Variants in ATP5F1C observed in about 807,000 individuals in gnomAD.
ATP5F1C encodes the protein ATP synthase F1 subunit gamma.
ATP5F1C carries 22 observed loss-of-function variants against 37.4 expected under a neutral mutation model. The ratio of observed to expected loss-of-function variants is 0.59; its 90% CI spans 0.42 to 0.84. The LOEUF (loss-of-function observed/expected upper bound fraction) is 0.84. ATP5F1C is among the 40% of genes least tolerant of loss of function. The pLI is 0.00. For missense variants in ATP5F1C, 286 were observed against 362.4 expected, an observed-to-expected ratio of 0.79 and a Z score of 1.71; for synonymous variants, 121 against 128.0, an observed-to-expected ratio of 0.95 and a Z score of 0.37.
intron 1 of ATP5F1C, among the ~76,000 whole-genome samples, chr10:7,788,629 G>A (rs1836098607): frequency 6.6e-6 from 1 of 152,200 alleles, no homozygotes; most frequent in African/African-American, 2.4e-5. Flanking sequence ...CAGTCTCAGG[G>A]CCTGCAAGGT....
chr10:7,802,547 T>A, intron 7 of ATP5F1C, 122 bp downstream of exon 7: 1 of 1,237,608 alleles, frequency 8.1e-7, no homozygotes, highest in Non-Finnish European at 1.1e-6. Context: ...CCTGTACCTG[T>A]AAGAAAGTAT....
chr10:7,804,021 T>C (rs1392215608), intron 8 of ATP5F1C: 5 of 509,440 alleles, frequency 9.8e-6, no homozygotes, highest in African/African-American at 9.7e-5. Context: ...GATACAGTGG[T>C]AACAGTATTT....
At position 7,797,078 on chromosome 10, in the gene ATP5F1C, C is replaced by A. The variant is rs749573160; in HGVS notation, c.123C>A (p.Ile41=). Residue 41 remains isoleucine, a synonymous_variant, in exon 3 of 10, where the codon ATC becomes ATA. Transcript: ENST00000356708. The part of the protein sequence containing the change: ...ITRRLKSIKN[I]QKITKSMKMV... ...GGAGACTAAAGTCCATCAAAAACAT[C>A]CAGAAAATTACCAAGTCTATGAAAA... is the stretch of plus-strand genomic sequence containing the variant. The A allele has an allele frequency of 1.2e-6, 2 of 1,614,060 alleles. No homozygotes were observed. Among genetic ancestry groups the A allele is most frequent in the South Asian group, 2.2e-5 (2 of 91,082 alleles).
intron 4 of ATP5F1C, 118 bp from the exon 5 acceptor site, chr10:7,799,654 C>A: frequency 8.5e-7 from 1 of 1,182,576 alleles, no homozygotes; most frequent in Non-Finnish European, 1.2e-6. Flanking sequence ...GAAATCACCA[C>A]CACCCATACC....
intron 8 of ATP5F1C, among the ~76,000 whole-genome samples, chr10:7,805,155 A>ACT (rs1053428175): frequency 1.3e-5 from 2 of 152,086 alleles, no homozygotes; most frequent in African/African-American, 4.8e-5. Flanking sequence ...TGGTTAGGAT[A>ACT]CTCTCTCTGT....
At chr10:7,789,406 A>G (rs1267898901) in intron 1 of ATP5F1C, among the ~76,000 whole-genome samples, 3 of 152,204 alleles carry the variant, frequency 2.0e-5, no homozygotes, top group Non-Finnish European at 4.4e-5. Context: ...TGAATTAGCC[A>G]CATAAAATTT....
chr10:7,797,235 A>G (rs774242750), intron 3 of ATP5F1C, 57 bp downstream of exon 3: 46 of 1,590,618 alleles, frequency 2.9e-5, no homozygotes, highest in Non-Finnish European at 3.8e-5. Context: ...AAGGAAGACT[A>G]CTGATGACTT....
chr10:7,797,733 C>A (rs1207529213), intron 3 of ATP5F1C, among the ~76,000 whole-genome samples: 1 of 152,028 alleles, frequency 6.6e-6, no homozygotes, highest in African/African-American at 2.4e-5. Flanking sequence ...AGAATCCGAA[C>A]GATGTTGAAG....
At chr10:7,800,958 A>G (rs1459782204) in intron 6 of ATP5F1C, among the ~76,000 whole-genome samples, 3 of 152,262 alleles carry the variant, frequency 2.0e-5, no homozygotes, top group Non-Finnish European at 4.4e-5. Context: ...GAGCGTAGCT[A>G]GAAACTGGCT....
chr10:7,791,165 T>TG (rs1326608123), intron 1 of ATP5F1C, among the ~76,000 whole-genome samples: 4 of 152,058 alleles, frequency 2.6e-5, no homozygotes, highest in African/African-American at 9.7e-5. Flanking sequence ...CCAGACGTGG[T>TG]GGTACGCACC....
chr10:7,790,741 T>C (rs527918952), intron 1 of ATP5F1C, among the ~76,000 whole-genome samples: 1 of 152,344 alleles, frequency 6.6e-6, no homozygotes, highest in South Asian at 2.1e-4. Context: ...GAATTCTGAT[T>C]GCCACTTAGC....
At chr10:7,800,506 A>T (rs1244427) in intron 6 of ATP5F1C, among the ~76,000 whole-genome samples, 139,434 of 146,640 alleles carry the variant, frequency 0.95, 66,605 homozygotes, top group East Asian at 1. Context: ...TTTATTTTTT[A>T]TTTTTTGAGA....
intron 1 of ATP5F1C, 150 bp downstream of exon 1, chr10:7,788,413 G>T (rs1206890082): frequency 1.3e-5 from 15 of 1,174,134 alleles, no homozygotes; most frequent in Non-Finnish European, 1.8e-5. Flanking sequence ...GGTAGCGGGG[G>T]CTGCAGGAAG....
In ATP5F1C at chr10:7,789,256, T is replaced by C. The variant is rs564467991; in HGVS notation, c.56+993T>C. ...TGCTCTTAACAGTGTGGAGGATTTC[T>C]AAGGCGCTACAGTGCTAAACTAGAT... On this transcript the variant is annotated intron_variant, in intron 1 of 9. Coordinates refer to ENST00000356708, the MANE Select transcript of ATP5F1C (RefSeq NM_001001973.3). Among the ~76,000 whole-genome samples the C allele has an allele frequency of 2.0e-5, 3 of 152,320 alleles. No homozygotes were observed. The East Asian group carries it at 5.8e-4, about 29-fold the overall frequency.
At chr10:7,804,676 G>T (rs549036797) in intron 8 of ATP5F1C, among the ~76,000 whole-genome samples, 2 of 152,258 alleles carry the variant, frequency 1.3e-5, no homozygotes, top group South Asian at 4.2e-4. Flanking sequence ...ATTTGTCTGT[G>T]TGCTCCTCGA....
chr10:7,802,203 A>C, intron 6 of ATP5F1C, 67 bp from the exon 7 acceptor site: 1 of 1,491,000 alleles, frequency 6.7e-7, no homozygotes, highest in Non-Finnish European at 9.0e-7. Flanking sequence ...TACACTGAAA[A>C]GCTGTTTTTG....
At chr10:7,790,608 G>A (rs1161837805) in intron 1 of ATP5F1C, among the ~76,000 whole-genome samples, 2 of 152,194 alleles carry the variant, frequency 1.3e-5, no homozygotes, top group African/African-American at 4.8e-5. Flanking sequence ...ATTGTCATCT[G>A]AGACCATGAG....
chr10:7,799,480 G>T, intron 4 of ATP5F1C: 2 of 553,656 alleles, frequency 3.6e-6, no homozygotes, highest in Admixed American at 3.1e-5. Flanking sequence ...GCCAAATGAG[G>T]CATCTGAGGA....
At chr10:7,788,356 G>C (rs1475406) in intron 1 of ATP5F1C, 93 bp downstream of exon 1, 1,327,069 of 1,523,074 alleles carry the variant, frequency 0.87, 579,215 homozygotes, top group East Asian at 0.93. Flanking sequence ...GGGGGCAGAT[G>C]TGGGGTCGCA....
Sources: allele counts gnomAD v4.1 joint callset (sites outside exome capture counted in the v4.1 genomes callset), GRCh38; gene constraint gnomAD v4.1.1; transcripts MANE v1.5; gene names NCBI Gene and HGNC (gene_info 2026-07-23, HGNC 2026-07-21).